GRIP1: variants seen among roughly 807,000 people sequenced by gnomAD.
The protein encoded by GRIP1 is glutamate receptor-interacting protein 1.
A neutral mutation model predicts 129.9 loss-of-function variants in GRIP1; 45 were observed. The observed-to-expected ratio is 0.35, with a 90% CI of 0.27 to 0.44. GRIP1 has a LOEUF of 0.44. GRIP1 is among the 20% of genes least tolerant of loss of function. GRIP1 has a pLI of 1.00. For missense variants in GRIP1, 1,196 were observed against 1,396.8 expected (o/e 0.86, Z 2.29); for synonymous variants, 530 against 520.8 (o/e 1.02, Z -0.24).
chr12:66,419,569 T>C (rs981836736), intron 15 of GRIP1, among the ~76,000 whole-genome samples: 1 of 152,204 alleles, frequency 6.6e-6, no homozygotes, highest in Non-Finnish European at 1.5e-5. Flanking sequence ...CCCATAAGTA[T>C]ATATACCAAC....
intron 13 of GRIP1, among the ~76,000 whole-genome samples, chr12:66,441,648 T>C (rs2058474612): frequency 6.6e-6 from 1 of 152,250 alleles, no homozygotes; most frequent in Non-Finnish European, 1.5e-5. Context: ...CTATTTTCTC[T>C]TTCAATGATC....
intron 14 of GRIP1, among the ~76,000 whole-genome samples, chr12:66,422,877 T>C (rs1343205705): frequency 6.6e-6 from 1 of 152,202 alleles, no homozygotes; most frequent in Non-Finnish European, 1.5e-5. Flanking sequence ...CATCCAGATC[T>C]GTATGAGATC....
intron 7 of GRIP1, among the ~76,000 whole-genome samples, chr12:66,512,128 G>C (rs1022213732): frequency 6.6e-6 from 1 of 152,138 alleles, no homozygotes; most frequent in Non-Finnish European, 1.5e-5. Flanking sequence ...ATGCAGACTT[G>C]TGGGTCAATT....
intron 1 of GRIP1, among the ~76,000 whole-genome samples, chr12:66,659,950 TAAAC>T (rs896022170): frequency 1.2e-4 from 18 of 152,142 alleles, no homozygotes; most frequent in Admixed American, 2.0e-4. Flanking sequence ...ACACACAAAA[TAAAC>T]AAAGGGTTGT....
chr12:66,593,875 T>C (rs891716907), intron 2 of GRIP1, among the ~76,000 whole-genome samples: 1 of 151,980 alleles, frequency 6.6e-6, no homozygotes, highest in Non-Finnish European at 1.5e-5. Context: ...GAGACCATCC[T>C]GGTCAACATG....
At chr12:66,970,321 A>G (rs1372496366) in intron 1 of GRIP1, among the ~76,000 whole-genome samples, 1 of 152,160 alleles carries the variant, frequency 6.6e-6, no homozygotes, top group Non-Finnish European at 1.5e-5. Flanking sequence ...GCCTCAAGTC[A>G]TCTGTCCACC....
intron 1 of GRIP1, among the ~76,000 whole-genome samples, chr12:67,068,298 A>T (rs964285631): frequency 2.0e-5 from 3 of 152,306 alleles, no homozygotes; most frequent in African/African-American, 7.2e-5. Context: ...TGAAGCACAA[A>T]AGGGCTGCAA....
Position 66,988,165 on chromosome 12 carries a change from G to C in GRIP1, c.58+80885C>G, listed in dbSNP as rs148980378. ...AGGACTCCAAACAATAATCTTTCTT[G>C]ATAGTGTGAAATAATAGTGCTAGTT... On this transcript the variant is annotated intron_variant, in intron 1 of 1. Coordinates refer to the GRIP1 transcript ENST00000643019. Among the ~76,000 whole-genome samples, 429 of 152,296 alleles carry C rather than the reference G, an allele frequency of 2.8e-3. 3 individuals are homozygous for C. Among genetic ancestry groups the C allele is most frequent in the African/African-American group, 0.01 (420 of 41,546 alleles).
chr12:66,723,201 CTTTT>C lies in GRIP1; in HGVS notation c.-420+80848_-420+80851del, dbSNP rs1565987506. On this transcript the variant is annotated intron_variant, in intron 1 of 4. Transcript: ENST00000538373. ...TCTTCCACCTAGGGTTTTTCATCTTCTTTTCTTTCTTTCTTTCTTTCTTTCTCTC... is the reference window on the plus strand; with the variant it reads ...TCTTCCACCTAGGGTTTTTCATCTTCCTTTCTTTCTTTCTTTCTTTCTCTC... Among the ~76,000 whole-genome samples the C allele has an allele frequency of 2.6e-3, 210 of 79,826 alleles. 3 individuals are homozygous for C. Among genetic ancestry groups the C allele is most frequent in the African/African-American group, 0.011 (193 of 17,484 alleles). The allele number at this position is 79,826 out of a possible 152,430, so 52.4% of individuals were successfully genotyped here.
At chr12:66,996,471 T>C (rs1225372291) in intron 1 of GRIP1, among the ~76,000 whole-genome samples, 1 of 152,112 alleles carries the variant, frequency 6.6e-6, no homozygotes, top group Non-Finnish European at 1.5e-5. Flanking sequence ...CTGTCTCCAT[T>C]GCCTAAGGGC....
At chr12:66,907,607 A>C (rs1049127317) in intron 1 of GRIP1, among the ~76,000 whole-genome samples, 1 of 152,100 alleles carries the variant, frequency 6.6e-6, no homozygotes, top group Non-Finnish European at 1.5e-5. Flanking sequence ...TGTTCCAGGA[A>C]GTGGGGGGTC....
intron 16 of GRIP1, among the ~76,000 whole-genome samples, chr12:66,395,972 C>T (rs1044753009): frequency 1.3e-5 from 2 of 152,208 alleles, no homozygotes; most frequent in African/African-American, 2.4e-5. Flanking sequence ...TCCTACAGTA[C>T]GATATTTTGT....
chr12:67,063,832 C>G (rs1398905894), intron 1 of GRIP1, among the ~76,000 whole-genome samples: 1 of 152,136 alleles, frequency 6.6e-6, no homozygotes, highest in East Asian at 1.9e-4. Context: ...ACTGAAGCCT[C>G]TTTGTTTGAC....
rs759704197 is a variant in GRIP1 at position 66,541,925 on chromosome 12, G to A, written c.162C>T (p.Val54=). ...IPEEFKGSTV[V]ELMKKEGTTL... Reference sequence around the variant, plus strand: ...TAGTGCCTTCCTTCTTCATCAGCTCGACGACTGTGGAGCCCTTGAATTCCT... The same window carrying A: ...TAGTGCCTTCCTTCTTCATCAGCTCAACGACTGTGGAGCCCTTGAATTCCT... Residue 54 remains valine, a synonymous_variant, in exon 3 of 25, where the codon GTC becomes GTT. Coordinates refer to ENST00000359742, the MANE Select transcript of GRIP1 (RefSeq NM_001366722.1). 10 of 1,613,642 alleles carry A rather than the reference G, an allele frequency of 6.2e-6. No individual in the cohort carries two copies. Among genetic ancestry groups the A allele is most frequent in the African/African-American group, 2.7e-5 (2 of 74,882 alleles).
In GRIP1 at chr12:66,788,238, A is replaced by G. The variant is rs1592846887; in HGVS notation, c.-420+15815T>C. On this transcript the variant is annotated intron_variant, in intron 1 of 4. Coordinates refer to the GRIP1 transcript ENST00000538373. ...AATACAAAAAACACAAAAATAAAAT[A>G]CTTTTTTTTTTTTTTAAGCTAAAGC... is the stretch of plus-strand genomic sequence containing the variant. Among the ~76,000 whole-genome samples, 2 of 150,406 alleles carry G rather than the reference A, an allele frequency of 1.3e-5. 1 individual carries two copies. The highest frequency in any genetic ancestry group is 4.2e-4 in the South Asian group (2 of 4,752).
chr12:66,760,280 G>T (rs2037432393), intron 1 of GRIP1, among the ~76,000 whole-genome samples: 1 of 152,030 alleles, frequency 6.6e-6, no homozygotes, highest in African/African-American at 2.4e-5. Flanking sequence ...CAGTTCCAAA[G>T]TCGCTTCCAT....
At chr12:66,893,310 G>A (rs898945591) in intron 1 of GRIP1, among the ~76,000 whole-genome samples, 8 of 151,990 alleles carry the variant, frequency 5.3e-5, no homozygotes, top group African/African-American at 1.2e-4. Flanking sequence ...ACAGTGGTGC[G>A]ATCATGTTTC....
At chr12:66,478,427 G>A (rs1314775615) in intron 7 of GRIP1, among the ~76,000 whole-genome samples, 2 of 152,168 alleles carry the variant, frequency 1.3e-5, no homozygotes, top group African/African-American at 4.8e-5. Flanking sequence ...TACACTGTTG[G>A]TGGGACTGTA....
At chr12:66,436,577 TA>T (rs2058311592) in intron 13 of GRIP1, among the ~76,000 whole-genome samples, 1 of 152,190 alleles carries the variant, frequency 6.6e-6, no homozygotes. Context: ...GTAAGAAATA[TA>T]AAAAATTTAA....
Sources: gnomAD v4.1 joint callset for allele counts (sites outside exome capture counted in the v4.1 genomes callset) on GRCh38, gnomAD v4.1.1 for gene constraint, MANE v1.5 for transcripts, NCBI Gene and HGNC (gene_info 2026-07-23, HGNC 2026-07-21) for gene names.